CRYGB: variants seen among roughly 807,000 people sequenced by gnomAD.
The protein encoded by CRYGB is gamma-crystallin B.
In CRYGB, 19 loss-of-function variants were observed where a neutral mutation model predicts 21.3. The observed-to-expected ratio is 0.89, with a 90% CI of 0.62 to 1.31. CRYGB has a LOEUF of 1.31. Ranked by LOEUF, CRYGB falls within the 50% of genes most tolerant of loss-of-function variation. The pLI, the probability that CRYGB is intolerant of heterozygous loss-of-function variation, is 0.00. For missense variants in CRYGB, 254 were observed against 228.4 expected (o/e 1.11, Z -0.72); for synonymous variants, 81 against 81.2 (o/e 1.00, Z 0.01).
rs746280466 is a variant in CRYGB at position 208,145,800 on chromosome 2, T to G, written c.226A>C (p.Ile76Leu). Residue 76 changes from isoleucine to leucine, a missense_variant, in exon 2 of 3, where the codon ATC becomes CTC. Physicochemically the swap from Ile to Leu is conservative, Grantham distance 5. Transcript: ENST00000260988. ...GGGGGGATGAGGCAGCAGGAGCGGA[T>G]GGAGTCGCTGAGGCCCATCCATTGC... is the stretch of plus-strand genomic sequence containing the variant. ...YQQWMGLSDS[I>L]RSCCLIPPHS... The G allele has an allele frequency of 6.2e-7, 1 of 1,612,934 alleles. No homozygotes were observed. The highest frequency in any genetic ancestry group is 1.3e-5 in the African/African-American group (1 of 74,560).
chr2:208,145,635 G>A, intron 2 of CRYGB, 139 bp downstream of exon 2: 1 of 1,420,984 alleles, frequency 7.0e-7, no homozygotes, highest in Non-Finnish European at 9.1e-7. Context: ...GTTGCAGTGA[G>A]CCGAGATCAT....
At position 208,142,820 on chromosome 2, in the gene CRYGB, G is replaced by A. The variant is rs190110781; in HGVS notation, c.346C>T (p.Arg116Cys). The change falls in exon 3 of 3, where the codon CGC (arginine) becomes TGC (cysteine). Residue 116 changes from arginine to cysteine, a missense_variant. Transcript: ENST00000260988. ...LTDDCISVQD[R>C]FHLTEIHSLN... ...GAGTGAATTTCAGTGAGGTGGAAGC[G>A]GTCCTGAACAGAGATACAGTCGTCT... is the stretch of plus-strand genomic sequence containing the variant. 3.3e-5 allele frequency: 54 copies of A among 1,614,038 alleles called. No homozygotes were observed. The East Asian group carries it at 7.6e-4, about 23-fold the overall frequency.
In CRYGB at chr2:208,145,970, C is replaced by G. The variant is rs1251017757; in HGVS notation, c.56G>C (p.Cys19Ser). ...DRAFQGRSYE[C>S]TTDCPNLQPY... ...TTGTAGGTTGGGGCAGTCAGTGGTGCATTCGTAGCTGCGGCCCTGGAAGGC... is the reference window on the plus strand; with the variant it reads ...TTGTAGGTTGGGGCAGTCAGTGGTGGATTCGTAGCTGCGGCCCTGGAAGGC... The change falls in exon 2 of 3, where the codon TGC becomes TCC. Residue 19 changes from cysteine to serine, a missense_variant. Transcript: ENST00000260988. The G allele has an allele frequency of 6.2e-7, 1 of 1,614,190 alleles. No individual in the cohort carries two copies. The highest frequency in any genetic ancestry group is 8.5e-7 in the Non-Finnish European group (1 of 1,180,038).
chr2:208,145,076 T>C (rs573948799), intron 2 of CRYGB, among the ~76,000 whole-genome samples: 5 of 152,152 alleles, frequency 3.3e-5, no homozygotes, highest in African/African-American at 1.2e-4. Flanking sequence ...TCTCAAACTT[T>C]AGTTTCAGAT....
rs569635507 is a variant in CRYGB, at chr2:208,145,454, C to T, written c.252+320G>A. Among the ~76,000 whole-genome samples the T allele has an allele frequency of 8.6e-4, 131 of 152,042 alleles. 2 individuals are homozygous for T. In the South Asian group the frequency reaches 0.024, roughly 28 times the overall value. ...CTGTAATCCCAGCACTTTGGGAGGC[C>T]GAGGCGGGCGGATCACTTGAGGCCA... On this transcript the variant is annotated intron_variant, in intron 2 of 2. Coordinates refer to ENST00000260988, the MANE Select transcript of CRYGB (RefSeq NM_005210.4).
intron 2 of CRYGB, among the ~76,000 whole-genome samples, chr2:208,143,596 G>A (rs1695398362): frequency 7.3e-6 from 1 of 137,360 alleles, no homozygotes; most frequent in Non-Finnish European, 1.6e-5. Context: ...TCCACCTTCT[G>A]GGTTCAAGTG....
intron 2 of CRYGB, among the ~76,000 whole-genome samples, chr2:208,143,659 G>A (rs946426995): frequency 2.0e-5 from 3 of 152,038 alleles, no homozygotes; most frequent in African/African-American, 4.8e-5. Flanking sequence ...CCACCACCAC[G>A]ATTAGCTAAT....
chr2:208,142,758 C>G lies in CRYGB; in HGVS notation c.408G>C (p.Glu136Asp). 1 of 1,614,142 alleles carries G rather than the reference C, an allele frequency of 6.2e-7. No homozygotes were observed. The highest frequency in any genetic ancestry group is 8.5e-7 in the Non-Finnish European group (1 of 1,180,024). Residue 136 changes from glutamate to aspartate, a missense_variant, in exon 3 of 3, where the codon GAG becomes GAC. Glu to Asp is a conservative substitution (Grantham distance 45, BLOSUM62 2). Coordinates refer to ENST00000260988, the MANE Select transcript of CRYGB (RefSeq NM_005210.4). ...ACTGCCTCCCCCTGTAGTTGGGCAT[C>G]TCATAGAGGATCCAGCTGCCCTCCA... ...NVLEGSWILY[E>D]MPNYRGRQYL...
chr2:208,142,743 C>T lies in CRYGB; in HGVS notation c.423G>A (p.Arg141=). The change falls in exon 3 of 3, where the codon AGG becomes AGA. Residue 141 remains arginine (R), a synonymous_variant. Coordinates refer to ENST00000260988, the MANE Select transcript of CRYGB (RefSeq NM_005210.4). ...SWILYEMPNY[R]GRQYLLRPGE... The stretch of plus-strand genomic sequence containing the variant: ...CCGGCCTCAGCAGATACTGCCTCCC[C>T]CTGTAGTTGGGCATCTCATAGAGGA... 4 of 1,614,170 alleles carry T rather than the reference C, an allele frequency of 2.5e-6. No individual in the cohort carries two copies. Among genetic ancestry groups the T allele is most frequent in the South Asian group, 1.1e-5 (1 of 91,078 alleles).
In CRYGB at chr2:208,145,876, G is replaced by C. The variant is rs1695458390; in HGVS notation, c.150C>G (p.Asn50Lys). 6.2e-7 allele frequency: 1 copy of C among 1,614,126 alleles called. No homozygotes were observed. ...SGCWMIYERP[N>K]YQGHQYFLRR... ...GCAGGAAGTACTGGTGGCCCTGGTA[G>C]TTGGGGCGCTCATAGATCATCCAGC... The change falls in exon 2 of 3, where the codon AAC becomes AAG. Residue 50 changes from asparagine (N) to lysine (K), a missense_variant. Physicochemically the swap from Asn to Lys is moderately conservative, Grantham distance 94. Coordinates refer to ENST00000260988, the MANE Select transcript of CRYGB (RefSeq NM_005210.4).
At position 208,145,873 on chromosome 2, in the gene CRYGB, G is replaced by A. The variant is rs1395625616; in HGVS notation, c.153C>T (p.Tyr51=). 16 of 1,614,126 alleles carry A rather than the reference G, an allele frequency of 9.9e-6. No individual in the cohort carries two copies. Among genetic ancestry groups the A allele is most frequent in the Admixed American group, 3.3e-5 (2 of 60,012 alleles). ...GCCGCAGGAAGTACTGGTGGCCCTG[G>A]TAGTTGGGGCGCTCATAGATCATCC... ...GCWMIYERPN[Y]QGHQYFLRRG... The change falls in exon 2 of 3, where the codon TAC becomes TAT. Residue 51 remains tyrosine, a synonymous_variant. Coordinates refer to ENST00000260988, the MANE Select transcript of CRYGB (RefSeq NM_005210.4).
chr2:208,145,976 T>C lies in CRYGB; in HGVS notation c.50A>G (p.Tyr17Cys). 1 of 1,614,192 alleles carries C rather than the reference T, an allele frequency of 6.2e-7. No individual in the cohort carries two copies. Residue 17 changes from tyrosine (Y) to cysteine (C), a missense_variant, in exon 2 of 3, where the codon TAC (tyrosine) becomes TGC (cysteine). Transcript: ENST00000260988. ...YEDRAFQGRS[Y>C]ECTTDCPNLQ... is the part of the protein sequence containing the mutation. ...GTTGGGGCAGTCAGTGGTGCATTCG[T>C]AGCTGCGGCCCTGGAAGGCCCTGTC... is the stretch of plus-strand genomic sequence containing the variant.
chr2:208,142,754 G>A lies in CRYGB; in HGVS notation c.412C>T (p.Pro138Ser), dbSNP rs1467453946. 1 of 1,613,984 alleles carries A rather than the reference G, an allele frequency of 6.2e-7. No homozygotes were observed. Among genetic ancestry groups the A allele is most frequent in the African/African-American group, 1.3e-5 (1 of 74,896 alleles). Reference sequence around the variant, plus strand: ...AGATACTGCCTCCCCCTGTAGTTGGGCATCTCATAGAGGATCCAGCTGCCC... The same window carrying A: ...AGATACTGCCTCCCCCTGTAGTTGGACATCTCATAGAGGATCCAGCTGCCC... ...LEGSWILYEM[P>S]NYRGRQYLLR... Residue 138 changes from proline to serine, a missense_variant, in exon 3 of 3, where the codon CCC becomes TCC. Physicochemically the swap from Pro to Ser is moderately conservative, Grantham distance 74. Transcript: ENST00000260988.
Position 208,142,691 on chromosome 2 carries a change from C to T in CRYGB, c.475G>A (p.Gly159Arg), listed in dbSNP as rs775138450. The T allele has an allele frequency of 2.5e-6, 4 of 1,596,560 alleles. No homozygotes were observed. In the South Asian group the frequency reaches 3.4e-5, roughly 14 times the overall value. The change falls in exon 3 of 3, where the codon GGG (glycine) becomes AGG (arginine). Residue 159 changes from glycine to arginine, a missense_variant. Physicochemically the swap from Gly to Arg is moderately radical, Grantham distance 125. Coordinates refer to ENST00000260988, the MANE Select transcript of CRYGB (RefSeq NM_005210.4). Reference sequence around the variant, plus strand: ...GAGCCAACTTTGGCATTTGGAGCCCCCCAATCAAGAAACCTCCTGTACTCC... The same window carrying T: ...GAGCCAACTTTGGCATTTGGAGCCCTCCAATCAAGAAACCTCCTGTACTCC... ...PGEYRRFLDW[G>R]APNAKVGSLR...
chr2:208,145,800 T>A lies in CRYGB; in HGVS notation c.226A>T (p.Ile76Phe), dbSNP rs746280466. Residue 76 changes from isoleucine (I) to phenylalanine (F), a missense_variant, in exon 2 of 3, where the codon ATC becomes TTC. Transcript: ENST00000260988. The part of the protein sequence containing the change: ...YQQWMGLSDS[I>F]RSCCLIPPHS... ...GGGGGGATGAGGCAGCAGGAGCGGATGGAGTCGCTGAGGCCCATCCATTGC... is the reference window on the plus strand; with the variant it reads ...GGGGGGATGAGGCAGCAGGAGCGGAAGGAGTCGCTGAGGCCCATCCATTGC... The A allele has an allele frequency of 6.2e-7, 1 of 1,613,048 alleles. No homozygotes were observed. The highest frequency in any genetic ancestry group is 8.5e-7 in the Non-Finnish European group (1 of 1,179,908).
At position 208,142,630 on chromosome 2, in the gene CRYGB, T is replaced by A; in HGVS notation, c.*8A>T. 1.4e-6 allele frequency: 2 copies of A among 1,470,480 alleles called. No homozygotes were observed. The highest frequency in any genetic ancestry group is 1.8e-6 in the Non-Finnish European group (2 of 1,110,868). 91.1% of individuals were successfully genotyped at this position (1,470,480 alleles called of 1,614,324 possible). ...TTTTAAAGGAGAAAAGTGGAAAACG[T>A]AAATACTTCAGTACAAATCCATGAC... On this transcript the variant is annotated 3_prime_UTR_variant, in exon 3 of 3. Coordinates refer to ENST00000260988, the MANE Select transcript of CRYGB (RefSeq NM_005210.4).
chr2:208,145,851 G>T lies in CRYGB; in HGVS notation c.175C>A (p.Arg59=). ...PNYQGHQYFL[R]RGEYPDYQQW... is the part of the protein sequence containing the mutation. ...TGGTAGTCAGGGTACTCCCCACGCC[G>T]CAGGAAGTACTGGTGGCCCTGGTAG... is the stretch of plus-strand genomic sequence containing the variant. Residue 59 remains arginine, a synonymous_variant, in exon 2 of 3, where the codon CGG becomes AGG. Coordinates refer to ENST00000260988, the MANE Select transcript of CRYGB (RefSeq NM_005210.4). 1.9e-6 allele frequency: 3 copies of T among 1,614,102 alleles called. No homozygotes were observed. Among genetic ancestry groups the T allele is most frequent in the Non-Finnish European group, 2.5e-6 (3 of 1,180,020 alleles).
At chr2:208,143,068 C>T (rs943082076) in intron 2 of CRYGB, among the ~76,000 whole-genome samples, 155 bp from the exon 3 acceptor site, 1 of 152,324 alleles carries the variant, frequency 6.6e-6, no homozygotes, top group African/African-American at 2.4e-5. Flanking sequence ...AAGGAGCTGT[C>T]ACACTCCCCA....
chr2:208,145,240 T>TTGC (rs1382716130), intron 2 of CRYGB, among the ~76,000 whole-genome samples: 10 of 89,790 alleles, frequency 1.1e-4, no homozygotes, highest in Admixed American at 6.9e-4. Flanking sequence ...GTTGTTGTTG[T>TTGC]TGTTGTTGTT....
Sources: gnomAD v4.1 joint callset for allele counts (sites outside exome capture counted in the v4.1 genomes callset) on GRCh38, gnomAD v4.1.1 for gene constraint, MANE v1.5 for transcripts, NCBI Gene and HGNC (gene_info 2026-07-23, HGNC 2026-07-21) for gene names.